The following DAB2IP variants were observed in gnomAD, a reference collection of about 807,000 sequenced individuals.
DAB2IP encodes the protein DAB2 interacting protein.
A neutral mutation model predicts 107.2 loss-of-function variants in DAB2IP; 28 were observed. That is an observed-to-expected ratio of 0.26 (90% CI 0.19 to 0.36). DAB2IP has a LOEUF of 0.36. DAB2IP is among the 10% of genes least tolerant of loss of function. The pLI, the probability that DAB2IP is intolerant of heterozygous loss-of-function variation, is 1.00. For synonymous variants in DAB2IP, 755 were observed against 706.4 expected (o/e 1.07, Z -1.09); for missense variants, 1,400 against 1,644.7 (o/e 0.85, Z 2.57).
At chr9:121,591,908 G>C (rs1271078174) in intron 1 of DAB2IP, among the ~76,000 whole-genome samples, 1 of 152,208 alleles carries the variant, frequency 6.6e-6, no homozygotes, top group African/African-American at 2.4e-5. Flanking sequence ...GAAGTGACCA[G>C]AGAACTAGGG....
At chr9:121,576,001 A>G (rs1334087636) in intron 1 of DAB2IP, 1 of 152,280 alleles carries the variant, frequency 6.6e-6, no homozygotes, top group Non-Finnish European at 1.5e-5. Flanking sequence ...CTTACGGTCC[A>G]TGCTACCTCC....
intron 3 of DAB2IP, among the ~76,000 whole-genome samples, chr9:121,734,093 C>T (rs1831715680): frequency 6.6e-6 from 1 of 151,200 alleles, no homozygotes; most frequent in South Asian, 2.1e-4. Context: ...AAAGATGTTG[C>T]TGGGCCGGGC....
At chr9:121,636,053 G>A (rs1446827619) in intron 1 of DAB2IP, among the ~76,000 whole-genome samples, 1 of 152,148 alleles carries the variant, frequency 6.6e-6, no homozygotes, top group Non-Finnish European at 1.5e-5. Flanking sequence ...ACAGGTACAT[G>A]CCACCATGCC....
At chr9:121,612,837 C>T (rs894917664) in intron 1 of DAB2IP, among the ~76,000 whole-genome samples, 1 of 152,214 alleles carries the variant, frequency 6.6e-6, no homozygotes, top group Non-Finnish European at 1.5e-5. Flanking sequence ...AGGACAACTG[C>T]TCAGGTTTCT....
At chr9:121,719,479 C>T (rs1005379174) in intron 3 of DAB2IP, among the ~76,000 whole-genome samples, 36 of 152,162 alleles carry the variant, frequency 2.4e-4, no homozygotes, top group Admixed American at 1.9e-3. Flanking sequence ...TTACTCTCTT[C>T]CTGGGACAGT....
intron 3 of DAB2IP, chr9:121,742,963 G>A (rs1289311993): frequency 1.0e-6 from 1 of 985,382 alleles, no homozygotes; most frequent in East Asian, 1.1e-4. Context: ...TCATCATGAA[G>A]AAGAGACACT....
chr9:121,708,719 C>T (rs1830179858), intron 3 of DAB2IP, among the ~76,000 whole-genome samples: 1 of 152,226 alleles, frequency 6.6e-6, no homozygotes, highest in African/African-American at 2.4e-5. Context: ...TAGGATTGAG[C>T]GAGCAGCAGT....
chr9:121,748,643 C>T (rs925600400), intron 3 of DAB2IP, among the ~76,000 whole-genome samples: 3 of 152,182 alleles, frequency 2.0e-5, no homozygotes, highest in African/African-American at 7.2e-5. Context: ...GATGTTTGTA[C>T]TTTGGTGAGA....
chr9:121,704,486 G>A (rs1194096451), intron 3 of DAB2IP, among the ~76,000 whole-genome samples: 2 of 152,154 alleles, frequency 1.3e-5, no homozygotes, highest in Admixed American at 6.5e-5. Flanking sequence ...GTCTATTCCT[G>A]TCCTTTGCCT....
exon 8 of DAB2IP, chr9:121,763,811 C>T: frequency 1.2e-6 from 2 of 1,614,146 alleles, no homozygotes; most frequent in South Asian, 1.1e-5. Context: ...CCGCTGACCT[C>T]CCAGAGCACC....
chr9:121,705,591 G>C (rs1425079770), intron 3 of DAB2IP, among the ~76,000 whole-genome samples: 1 of 152,208 alleles, frequency 6.6e-6, no homozygotes, highest in African/African-American at 2.4e-5. Flanking sequence ...TGTGTTCTGT[G>C]AGCACTCACG....
chr9:121,651,586 G>A (rs376625911), upstream of DAB2IP: 2 of 943,406 alleles, frequency 2.1e-6, 1 homozygote, highest in South Asian at 1.0e-4. This position sits in a 1 kb window ranked among gnomAD's most constrained non-coding sequence, Gnocchi z 5.1. Flanking sequence ...CGCGGGGCCG[G>A]CTGCTCGGGG....
Position 121,782,615 on chromosome 9 carries a change from G to T in DAB2IP, c.*117G>T, listed in dbSNP as rs1228989020. 13 of 1,513,638 alleles carry T rather than the reference G, an allele frequency of 8.6e-6. No individual in the cohort carries two copies. The East Asian group carries it at 9.3e-5, about 11-fold the overall frequency. The allele number at this position is 1,513,638 out of a possible 1,614,324, so 93.8% of individuals were successfully genotyped here. A position where few individuals can be genotyped will look rare whatever the true frequency, so the allele number is the denominator to read the frequency against. ...GCCCCAGCGCGGGTGTCAGGAGGCC[G>T]AGCCTCCCCTCCCTGCCGCTGTCCA... On this transcript the variant is annotated 3_prime_UTR_variant, in exon 16 of 16. Transcript: ENST00000408936. The surrounding 1 kb of genome is among the most constrained non-coding windows in gnomAD (Gnocchi z 6.1).
At chr9:121,758,906 G>C (rs559896738) in exon 5 of DAB2IP, 1 of 1,613,306 alleles carries the variant, frequency 6.2e-7, no homozygotes. Flanking sequence ...AGGTGACGAC[G>C]TCATCAGGAA....
At chr9:121,747,249 C>T (rs566574079) in intron 3 of DAB2IP, among the ~76,000 whole-genome samples, 3 of 152,050 alleles carry the variant, frequency 2.0e-5, no homozygotes, top group Admixed American at 6.5e-5. Context: ...CAGGGTTGTC[C>T]CTGCTCAGAA....
chr9:121,715,604 C>T (rs909891595), intron 3 of DAB2IP, among the ~76,000 whole-genome samples: 3 of 152,176 alleles, frequency 2.0e-5, no homozygotes, highest in African/African-American at 7.2e-5. Context: ...CTGCCTGCCT[C>T]GGCCTCCCAA....
chr9:121,583,351 G>A (rs1003103590), intron 1 of DAB2IP, among the ~76,000 whole-genome samples: 5 of 152,088 alleles, frequency 3.3e-5, no homozygotes, highest in African/African-American at 1.2e-4. Flanking sequence ...AGATCACACC[G>A]CTGCACTCCA....
At chr9:121,756,443 C>T (rs140445794) in intron 3 of DAB2IP, among the ~76,000 whole-genome samples, 11 of 152,326 alleles carry the variant, frequency 7.2e-5, no homozygotes, top group East Asian at 1.9e-4. Flanking sequence ...CCTTCTGCTT[C>T]GAGACTCGCC....
intron 2 of DAB2IP, among the ~76,000 whole-genome samples, chr9:121,694,489 G>A (rs1829321621): frequency 6.6e-6 from 1 of 152,108 alleles, no homozygotes; most frequent in African/African-American, 2.4e-5. Flanking sequence ...TGAAATGAGT[G>A]AATGAAGAAA....
Sources: gnomAD v4.1 joint callset for allele counts (sites outside exome capture counted in the v4.1 genomes callset) on GRCh38, gnomAD v4.1.1 for gene constraint, Gnocchi (gnomAD v3.1) non-coding constraint, MANE v1.5 for transcripts, NCBI Gene and HGNC (gene_info 2026-07-23, HGNC 2026-07-21) for gene names.